Variants in EXT1 observed in about 807,000 individuals in gnomAD.
EXT1 encodes exostosin-1.
A neutral mutation model predicts 82.5 loss-of-function variants in EXT1; 20 were observed. The ratio of observed to expected loss-of-function variants is 0.24; its 90% CI spans 0.17 to 0.35. The LOEUF (loss-of-function observed/expected upper bound fraction) is 0.35. Ranked by LOEUF, EXT1 falls within the 10% of genes least tolerant of loss-of-function variation. The pLI is 1.00. For missense variants in EXT1, 757 were observed against 936.5 expected, an observed-to-expected ratio of 0.81 and a Z score of 2.50; for synonymous variants, 348 against 350.8, an observed-to-expected ratio of 0.99 and a Z score of 0.09.
intron 1 of EXT1, among the ~76,000 whole-genome samples, chr8:117,960,822 G>A (rs1481749088): frequency 6.6e-6 from 1 of 152,114 alleles, no homozygotes; most frequent in African/African-American, 2.4e-5. Context: ...AGAAGCCTGG[G>A]GCAATTTGTG....
chr8:118,031,833 A>T (rs1816324875), intron 1 of EXT1, among the ~76,000 whole-genome samples: 1 of 152,098 alleles, frequency 6.6e-6, no homozygotes, highest in Non-Finnish European at 1.5e-5. Flanking sequence ...GGTGTACTGA[A>T]GATAACTGTT....
intron 4 of EXT1, among the ~76,000 whole-genome samples, chr8:117,828,814 T>A (rs1219589920): frequency 6.6e-6 from 1 of 151,952 alleles, no homozygotes; most frequent in Admixed American, 6.6e-5. Context: ...ATGAAAAAAA[T>A]ACACACTATG....
intron 1 of EXT1, among the ~76,000 whole-genome samples, chr8:118,022,646 A>G (rs1349225349): frequency 1.3e-5 from 2 of 151,986 alleles, no homozygotes; most frequent in Non-Finnish European, 2.9e-5. Flanking sequence ...CCCAAAAAAA[A>G]AAAAGATATA....
rs185454824 is a variant in EXT1, at chr8:117,798,291, A to G, written c.*1421T>C. 4.6e-5 allele frequency: 7 copies of G among 152,340 alleles called. No homozygotes were observed. In the East Asian group the frequency reaches 1.4e-3, roughly 29 times the overall value. The allele number at this position is 152,340 out of a possible 1,614,324, so 9.4% of individuals were successfully genotyped here. On this transcript the variant is annotated 3_prime_UTR_variant, in exon 11 of 11. Transcript: ENST00000378204. ...GTGCTTATTGTTTATTCAGCATAAT[A>G]CATGGTCAAACTCAATAATGTCTTT...
chr8:117,963,279 G>A (rs561119467), intron 1 of EXT1, among the ~76,000 whole-genome samples: 4 of 152,294 alleles, frequency 2.6e-5, no homozygotes, highest in African/African-American at 4.8e-5. Flanking sequence ...CACTGAGCCT[G>A]TGGTTACCTT....
rs543018611 is a variant in EXT1 at position 117,849,726 on chromosome 8, C to A, written c.963-12525G>T. On this transcript the variant is annotated intron_variant, in intron 1 of 10. Coordinates refer to ENST00000378204, the MANE Select transcript of EXT1 (RefSeq NM_000127.3). ...GTTTATGTAAAGTGATACAATGAAA[C>A]CCTGCACAAATTAATAACTAAAGCA... Among the ~76,000 whole-genome samples the A allele has an allele frequency of 6.8e-4, 103 of 152,182 alleles. 1 individual carries two copies. Among genetic ancestry groups the A allele is most frequent in the African/African-American group, 2.4e-3 (101 of 41,524 alleles).
At chr8:117,994,101 T>C (rs1815489386) in intron 1 of EXT1, among the ~76,000 whole-genome samples, 1 of 152,232 alleles carries the variant, frequency 6.6e-6, no homozygotes, top group Non-Finnish European at 1.5e-5. Flanking sequence ...TAGCCACATA[T>C]GGCTATTTAA....
At chr8:117,884,611 TTTC>T (rs1425914063) in intron 1 of EXT1, among the ~76,000 whole-genome samples, 3 of 152,144 alleles carry the variant, frequency 2.0e-5, no homozygotes, top group Non-Finnish European at 4.4e-5. Context: ...TCTCTATACT[TTTC>T]TTAACAGCAT....
intron 1 of EXT1, among the ~76,000 whole-genome samples, chr8:117,885,564 T>G (rs1324090400): frequency 1.3e-5 from 2 of 149,938 alleles, no homozygotes; most frequent in Non-Finnish European, 3.0e-5. Flanking sequence ...TGAAGACACA[T>G]GTCAGTGCCT....
chr8:117,899,861 T>G (rs971593790), intron 1 of EXT1, among the ~76,000 whole-genome samples: 1 of 152,206 alleles, frequency 6.6e-6, no homozygotes, highest in Non-Finnish European at 1.5e-5. Flanking sequence ...TGTTTGCCAC[T>G]GGGCATCAAA....
At chr8:118,003,963 T>C (rs566620243) in intron 1 of EXT1, among the ~76,000 whole-genome samples, 3 of 152,356 alleles carry the variant, frequency 2.0e-5, no homozygotes, top group Admixed American at 1.3e-4. Flanking sequence ...AATTTTTTCA[T>C]GAAATTGTGA....
chr8:117,946,553 A>G (rs1433637038), intron 1 of EXT1, among the ~76,000 whole-genome samples: 1 of 152,200 alleles, frequency 6.6e-6, no homozygotes, highest in Non-Finnish European at 1.5e-5. Context: ...CAGGGCGCTG[A>G]GCAACCTACA....
At chr8:117,856,421 AATTTTTTTT>A (rs1346576998) in intron 1 of EXT1, among the ~76,000 whole-genome samples, 1 of 120,000 alleles carries the variant, frequency 8.3e-6, no homozygotes, top group Non-Finnish European at 1.6e-5. Context: ...CGCCTGGCTA[AATTTTTTTT>A]TTTTTTTTTT....
At chr8:117,974,285 G>T (rs527532725) in intron 1 of EXT1, among the ~76,000 whole-genome samples, 2 of 152,158 alleles carry the variant, frequency 1.3e-5, no homozygotes, top group Non-Finnish European at 2.9e-5. Context: ...GAAGGCAAAA[G>T]AATTAACTGA....
At chr8:117,929,176 A>G (rs895003329) in intron 1 of EXT1, among the ~76,000 whole-genome samples, 1 of 152,214 alleles carries the variant, frequency 6.6e-6, no homozygotes, top group Non-Finnish European at 1.5e-5. Context: ...TTTTCTGTCT[A>G]TGGGCTAAGC....
chr8:118,035,194 C>T (rs888125639), intron 1 of EXT1, among the ~76,000 whole-genome samples: 2 of 152,142 alleles, frequency 1.3e-5, no homozygotes, highest in African/African-American at 4.8e-5. Context: ...CATGGTGTAA[C>T]TTAACCCTCA....
rs1182180428 is a variant in EXT1 at position 117,968,553 on chromosome 8, ATTTTTTTTTTTTTTTT to A, written c.963-131368_963-131353del. On this transcript the variant is annotated intron_variant, in intron 1 of 10. Coordinates refer to ENST00000378204, the MANE Select transcript of EXT1 (RefSeq NM_000127.3). Reference sequence around the variant, plus strand: ...TATTTATTTATTTATTTATTTATTTATTTTTTTTTTTTTTTTTTTTTTTTTTTTTTTTTTGAGACGG... The same window carrying A: ...TATTTATTTATTTATTTATTTATTTATTTTTTTTTTTTTTTTTTGAGACGG... Among the ~76,000 whole-genome samples the A allele has an allele frequency of 9.7e-4, 9 of 9,298 alleles. 1 individual carries two copies. The South Asian group carries it at 0.027, about 28-fold the overall frequency. 6.1% of individuals were successfully genotyped at this position (9,298 alleles called of 152,430 possible). A position where few individuals can be genotyped will look rare whatever the true frequency, so the allele number is the denominator to read the frequency against.
intron 7 of EXT1, among the ~76,000 whole-genome samples, chr8:117,817,189 C>T (rs2129733340): frequency 6.6e-6 from 1 of 152,278 alleles, no homozygotes; most frequent in Middle Eastern, 3.4e-3. Context: ...TGTTCCAAGC[C>T]TGTTACAAGG....
At chr8:118,043,291 G>T (rs554007321) in intron 1 of EXT1, among the ~76,000 whole-genome samples, 86 of 152,314 alleles carry the variant, frequency 5.6e-4, no homozygotes, top group Middle Eastern at 6.8e-3. Flanking sequence ...CTGCCTTGGC[G>T]ATTCAGTGCC....
Sources: gnomAD v4.1 joint callset for allele counts (sites outside exome capture counted in the v4.1 genomes callset) on GRCh38, gnomAD v4.1.1 for gene constraint, MANE v1.5 for transcripts, NCBI Gene and HGNC (gene_info 2026-07-23, HGNC 2026-07-21) for gene names.